Variants in TAFA5 observed in about 807,000 individuals in gnomAD.
The protein encoded by TAFA5 is TAFA chemokine like family member 5.
TAFA5 carries 6 observed loss-of-function variants against 15.3 expected under a neutral mutation model. The ratio of observed to expected loss-of-function variants is 0.39; its 90% CI spans 0.21 to 0.77. The LOEUF is 0.77. Among genes scored for constraint, TAFA5 ranks in the 30% least tolerant of loss-of-function variants. The probability of loss-of-function intolerance (pLI) is 0.41; values close to 1 mark genes in which losing one functional copy is unlikely to be tolerated. For missense variants in TAFA5, 161 were observed against 193.1 expected, an observed-to-expected ratio of 0.83 and a Z score of 0.98; for synonymous variants, 103 against 80.7, an observed-to-expected ratio of 1.28 and a Z score of -1.48.
intron 3 of TAFA5, among the ~76,000 whole-genome samples, chr22:48,718,499 G>A (rs1929472711): frequency 1.3e-5 from 2 of 152,080 alleles, no homozygotes; most frequent in African/African-American, 2.4e-5. Flanking sequence ...CTGTGTGGGC[G>A]CCATCCTCCC....
intron 2 of TAFA5, among the ~76,000 whole-genome samples, chr22:48,662,483 T>TA (rs1927476375): frequency 7.8e-6 from 1 of 127,720 alleles, no homozygotes; most frequent in African/African-American, 3.3e-5. Flanking sequence ...AAGTGTGTGA[T>TA]GGGGGTGATT....
chr22:48,692,833 C>T (rs1272324684), intron 2 of TAFA5, among the ~76,000 whole-genome samples: 7 of 152,350 alleles, frequency 4.6e-5, no homozygotes, highest in African/African-American at 7.2e-5. Flanking sequence ...CCTCAGTCAC[C>T]GACCTCAGGC....
At chr22:48,569,799 G>A (rs1439328474) in intron 1 of TAFA5, among the ~76,000 whole-genome samples, 1 of 152,242 alleles carries the variant, frequency 6.6e-6, no homozygotes, top group African/African-American at 2.4e-5. Context: ...CTGCCTTCCA[G>A]GCCTGTCCCC....
chr22:48,738,958 A>C (rs130220), intron 3 of TAFA5, among the ~76,000 whole-genome samples: 2 of 152,222 alleles, frequency 1.3e-5, no homozygotes, highest in African/African-American at 4.8e-5. Flanking sequence ...AAACCAAGCC[A>C]CCCCTCGTAT....
intron 1 of TAFA5, among the ~76,000 whole-genome samples, chr22:48,586,478 G>A (rs537878731): frequency 1.3e-5 from 2 of 152,322 alleles, no homozygotes; most frequent in African/African-American, 4.8e-5. Context: ...GTGGAAGCCC[G>A]AGGACTTCCA....
At chr22:48,570,162 A>G (rs1459688709) in intron 1 of TAFA5, among the ~76,000 whole-genome samples, 1 of 152,190 alleles carries the variant, frequency 6.6e-6, no homozygotes, top group African/African-American at 2.4e-5. Flanking sequence ...GGCCAACATC[A>G]TGACCTCCTC....
intron 1 of TAFA5, among the ~76,000 whole-genome samples, chr22:48,526,069 T>G (rs1921772147): frequency 6.6e-6 from 1 of 152,194 alleles, no homozygotes; most frequent in Admixed American, 6.5e-5. Context: ...TCCTGGGTGG[T>G]CTCAGTCACT....
At chr22:48,671,055 G>T (rs1601659320) in intron 2 of TAFA5, among the ~76,000 whole-genome samples, 2 of 152,272 alleles carry the variant, frequency 1.3e-5, no homozygotes, top group East Asian at 3.9e-4. Flanking sequence ...GTATCCCAGG[G>T]ACACACCAAG....
intron 2 of TAFA5, among the ~76,000 whole-genome samples, chr22:48,691,569 G>A (rs567433740): frequency 4.6e-5 from 7 of 152,310 alleles, no homozygotes; most frequent in Admixed American, 1.3e-4. Context: ...GCTCACAGTC[G>A]CAGTGGCATG....
intron 1 of TAFA5, among the ~76,000 whole-genome samples, chr22:48,622,619 T>A (rs1925879944): frequency 1.3e-5 from 2 of 152,338 alleles, no homozygotes; most frequent in South Asian, 4.1e-4. Flanking sequence ...CGGAGGAGCC[T>A]GACCAAAGTT....
intron 3 of TAFA5, among the ~76,000 whole-genome samples, chr22:48,713,287 G>A (rs903087670): frequency 1.3e-5 from 2 of 152,238 alleles, no homozygotes; most frequent in Non-Finnish European, 2.9e-5. Flanking sequence ...GCAGACGGCA[G>A]CTGCCGCTGA....
chr22:48,690,800 GA>G (rs1928516278), intron 2 of TAFA5, among the ~76,000 whole-genome samples: 1 of 152,190 alleles, frequency 6.6e-6, no homozygotes, highest in South Asian at 2.1e-4. Flanking sequence ...CTCTGCCCAG[GA>G]GGCTGTGGGC....
rs567711881 is a variant in TAFA5 at position 48,560,266 on chromosome 22, C to G, written c.112+70562C>G. ...CCCTGTCGTGCGCCCAGGCTGGTGC[C>G]GTCAGGCTCCCGGCATTGGTGCACC... On this transcript the variant is annotated intron_variant, in intron 1 of 3. Coordinates refer to ENST00000402357, the MANE Select transcript of TAFA5 (RefSeq NM_001082967.3). This position sits in a 1 kb window ranked among gnomAD's most constrained non-coding sequence, Gnocchi z 4.2. 1.3e-5 allele frequency among the ~76,000 whole-genome samples: 2 copies of G among 152,218 alleles called. No homozygotes were observed. Among genetic ancestry groups the G allele is most frequent in the Non-Finnish European group, 2.9e-5 (2 of 68,046 alleles).
At chr22:48,602,336 G>A (rs904518078) in intron 1 of TAFA5, among the ~76,000 whole-genome samples, 1 of 152,214 alleles carries the variant, frequency 6.6e-6, no homozygotes, top group Non-Finnish European at 1.5e-5. Context: ...GGACATGGGG[G>A]CCTGGCCTGG....
intron 1 of TAFA5, among the ~76,000 whole-genome samples, chr22:48,526,933 G>T (rs1921801093): frequency 1.3e-5 from 2 of 152,200 alleles, no homozygotes; most frequent in Non-Finnish European, 2.9e-5. Flanking sequence ...CCTCTGAAAG[G>T]GGGAGGATAT....
intron 2 of TAFA5, among the ~76,000 whole-genome samples, chr22:48,667,208 G>A (rs922399227): frequency 6.6e-6 from 1 of 152,126 alleles, no homozygotes; most frequent in African/African-American, 2.4e-5. Flanking sequence ...CCTGCAGGAG[G>A]AGCCTGGAGC....
chr22:48,505,241 G>A (rs972986406), intron 1 of TAFA5, among the ~76,000 whole-genome samples: 1 of 152,212 alleles, frequency 6.6e-6, no homozygotes, highest in Admixed American at 6.5e-5. Flanking sequence ...ACTTCCATCT[G>A]TGGAGGGGTC....
chr22:48,493,940 A>C (rs1454218978), intron 1 of TAFA5, among the ~76,000 whole-genome samples: 4 of 151,994 alleles, frequency 2.6e-5, no homozygotes, highest in Non-Finnish European at 5.9e-5. Context: ...CTGCTCTTTC[A>C]CTGAGATAGG....
At chr22:48,641,166 C>T (rs1391737510) in intron 1 of TAFA5, among the ~76,000 whole-genome samples, 1 of 144,636 alleles carries the variant, frequency 6.9e-6, no homozygotes, top group Non-Finnish European at 1.5e-5. Context: ...CACCGTGGCC[C>T]CCCTGCCAGG....
Sources: allele counts gnomAD v4.1 joint callset (sites outside exome capture counted in the v4.1 genomes callset), GRCh38; gene constraint gnomAD v4.1.1; non-coding constraint Gnocchi (gnomAD v3.1); transcripts MANE v1.5; gene names NCBI Gene and HGNC (gene_info 2026-07-23, HGNC 2026-07-21).